The following USP45 variants were observed in gnomAD, a reference collection of about 807,000 sequenced individuals.
USP45 encodes ubiquitin specific peptidase 45.
A neutral mutation model predicts 95.8 loss-of-function variants in USP45; 89 were observed. That is an observed-to-expected ratio of 0.93 (90% confidence interval 0.78 to 1.11). USP45 has a LOEUF of 1.11. USP45 is among the 50% of genes least tolerant of loss of function. The pLI, the probability that USP45 is intolerant of heterozygous loss-of-function variation, is 0.00. For missense variants in USP45, 898 were observed against 942.5 expected (o/e 0.95, Z 0.62); for synonymous variants, 281 against 316.2 (o/e 0.89, Z 1.18).
Position 99,488,290 on chromosome 6 carries a change from C to T in USP45, c.624G>A (p.Leu208=). The change falls in exon 7 of 18, where the codon TTG becomes TTA. Residue 208 remains leucine, a synonymous_variant. Transcript: ENST00000500704. ...TCFFNAVMQN[L]AQTYTLTDLM... The stretch of plus-strand genomic sequence containing the variant: ...GATCAGTAAGAGTATAAGTCTGTGC[C>T]AAGTTCTAAAAGAAAACAAAATTAA... 5.6e-6 allele frequency: 9 copies of T among 1,600,514 alleles called. No individual in the cohort carries two copies. The highest frequency in any genetic ancestry group is 7.7e-6 in the Non-Finnish European group (9 of 1,174,740).
At chr6:99,472,723 CAAG>C (rs1199959415) in intron 9 of USP45, among the ~76,000 whole-genome samples, 1 of 152,150 alleles carries the variant, frequency 6.6e-6, no homozygotes, top group Non-Finnish European at 1.5e-5. Context: ...TACCCCTCAA[CAAG>C]AAGAGCAATA....
In USP45 at chr6:99,511,882, T is replaced by C. The variant is rs1366968156; in HGVS notation, c.-10-1652A>G. ...ATATATATATATATATATATATATA[T>C]ATATACACATAGTTGAACTATTTGA... On this transcript the variant is annotated intron_variant, in intron 1 of 17. Transcript: ENST00000500704. Among the ~76,000 whole-genome samples, 552 of 141,570 alleles carry C rather than the reference T, an allele frequency of 3.9e-3. 3 individuals are homozygous for C. The highest frequency in any genetic ancestry group is 0.011 in the Middle Eastern group (3 of 268). The allele number at this position is 141,570 out of a possible 152,430, so 92.9% of individuals were successfully genotyped here.
chr6:99,452,298 TC>T (rs2128577023), intron 13 of USP45, among the ~76,000 whole-genome samples: 1 of 152,180 alleles, frequency 6.6e-6, no homozygotes, highest in African/African-American at 2.4e-5. Flanking sequence ...AGGGCAAATA[TC>T]CAGAATCTAC....
In USP45 at chr6:99,510,391, C is replaced by A. The variant is rs192800261; in HGVS notation, c.-10-161G>T. 7.3e-4 allele frequency among the ~76,000 whole-genome samples: 111 copies of A among 152,280 alleles called. 1 individual carries two copies. The highest frequency in any genetic ancestry group is 1.1e-3 in the Non-Finnish European group (73 of 68,018). On this transcript the variant is annotated intron_variant, in intron 1 of 17. Coordinates refer to ENST00000500704, the MANE Select transcript of USP45 (RefSeq NM_001346022.3). ...GAACATCACTTGAAATGAAATAAAT[C>A]TTTGTTAAATCAGTATACACATGGT...
intron 5 of USP45, among the ~76,000 whole-genome samples, chr6:99,500,171 C>G (rs1797088396): frequency 6.6e-6 from 1 of 152,190 alleles, no homozygotes; most frequent in African/African-American, 2.4e-5. Context: ...GTCGCCCAGG[C>G]TGGCATGCAG....
At chr6:99,449,626 A>C (rs570482417) in intron 13 of USP45, among the ~76,000 whole-genome samples, 2 of 142,308 alleles carry the variant, frequency 1.4e-5, no homozygotes, top group African/African-American at 2.5e-5. Flanking sequence ...CAGATCAATG[A>C]GACAGAAAGT....
intron 13 of USP45, chr6:99,461,659 T>G (rs1249382503): frequency 1.0e-6 from 1 of 983,834 alleles, no homozygotes; most frequent in African/African-American, 1.7e-5. Flanking sequence ...TATTAAGTTT[T>G]TGTGTGGTTT....
chr6:99,517,219 TACTCAGTA>T (rs1801168653), upstream of USP45, among the ~76,000 whole-genome samples: 1 of 108,288 alleles, frequency 9.2e-6, no homozygotes. Flanking sequence ...TTTTAAATAT[TACTCAGTA>T]AGTATGTTTT....
Position 99,456,988 on chromosome 6 carries a change from T to C in USP45, c.1308+7616A>G, listed in dbSNP as rs183632819. ...GGCCTATGAATGGCCCCCCTGGGCG[T>C]AGCCGTCTCTTATGGTCGAGACTGC... On this transcript the variant is annotated intron_variant, in intron 13 of 17. Coordinates refer to ENST00000500704, the MANE Select transcript of USP45 (RefSeq NM_001346022.3). 2.2e-3 allele frequency among the ~76,000 whole-genome samples: 329 copies of C among 152,332 alleles called. 2 individuals are homozygous for C. Among genetic ancestry groups the C allele is most frequent in the Middle Eastern group, 3.4e-3 (1 of 294 alleles).
Position 99,437,264 on chromosome 6 carries a change from T to TA in USP45, c.2295dup (p.Lys766Ter), listed in dbSNP as rs747364618. On this transcript the variant is annotated frameshift_variant, in exon 17 of 18. Transcript: ENST00000500704. LOFTEE classifies it high-confidence loss of function. ...GGCATACCAGGCACATTTTTCTTTT[T>TA]AGTGTTATGTTCCGATAATTTCCTG... 1 of 1,604,560 alleles carries TA rather than the reference T, an allele frequency of 6.2e-7. No homozygotes were observed. The highest frequency in any genetic ancestry group is 8.5e-7 in the Non-Finnish European group (1 of 1,177,746).
At chr6:99,492,013 A>G (rs977044436) in intron 5 of USP45, among the ~76,000 whole-genome samples, 1 of 152,232 alleles carries the variant, frequency 6.6e-6, no homozygotes, top group Non-Finnish European at 1.5e-5. Context: ...GAAATAAATT[A>G]TATTTTAATC....
chr6:99,503,653 A>G (rs1797882930), intron 5 of USP45, 112 bp downstream of exon 5: 1 of 722,170 alleles, frequency 1.4e-6, no homozygotes, highest in African/African-American at 1.8e-5. Context: ...TCTTTATTCA[A>G]ATTATTGGCT....
intron 16 of USP45, among the ~76,000 whole-genome samples, chr6:99,438,874 A>G (rs1781006153): frequency 6.6e-6 from 1 of 152,096 alleles, no homozygotes; most frequent in Non-Finnish European, 1.5e-5. Context: ...GTACTGTTCT[A>G]TTTGCTTTTG....
At chr6:99,509,308 A>C (rs1799244912) in intron 2 of USP45, among the ~76,000 whole-genome samples, 1 of 152,162 alleles carries the variant, frequency 6.6e-6, no homozygotes, top group Non-Finnish European at 1.5e-5. Context: ...CCCTGATGTT[A>C]ATGTTTTGCA....
chr6:99,491,721 T>C (rs1214152003), intron 5 of USP45, among the ~76,000 whole-genome samples: 1 of 152,132 alleles, frequency 6.6e-6, no homozygotes, highest in Admixed American at 6.6e-5. Flanking sequence ...TTTGGGTATA[T>C]GCAACCCTAA....
intron 13 of USP45, chr6:99,461,015 G>A: frequency 1.0e-6 from 1 of 985,298 alleles, no homozygotes; most frequent in Non-Finnish European, 1.2e-6. Context: ...ACGCTGCGCA[G>A]CTAACAGGTG....
intron 5 of USP45, chr6:99,501,890 G>T (rs1583426113): frequency 1.6e-6 from 2 of 1,255,716 alleles, no homozygotes; most frequent in East Asian, 1.2e-4. Context: ...AGCGACAAGA[G>T]TGTCTGTTAT....
At chr6:99,479,183 C>CAT (rs750040006) in intron 8 of USP45, among the ~76,000 whole-genome samples, 1 of 141,140 alleles carries the variant, frequency 7.1e-6, no homozygotes, top group East Asian at 2.0e-4. Context: ...CACACACACA[C>CAT]ACATACACAA....
rs1195708651 is a variant in USP45 at position 99,510,133 on chromosome 6, C to CTGAAGAGTCTTCATCATGAGGT, written c.66_87dup (p.Asp30ThrfsTer3). On this transcript the variant is annotated stop_gained and frameshift_variant, in exon 2 of 18. Transcript: ENST00000500704. LOFTEE classifies it high-confidence loss of function. ...TATCACAATTTACCAGCAATATCAT[C>CTGAAGAGTCTTCATCATGAGGT]TGAAGAGTCTTCATCATGAGGTACA... 6.2e-7 allele frequency: 1 copy of CTGAAGAGTCTTCATCATGAGGT among 1,611,940 alleles called. No homozygotes were observed. The highest frequency in any genetic ancestry group is 8.5e-7 in the Non-Finnish European group (1 of 1,178,338).
Sources: gnomAD v4.1 joint callset for allele counts (sites outside exome capture counted in the v4.1 genomes callset) on GRCh38, gnomAD v4.1.1 for gene constraint, MANE v1.5 for transcripts, NCBI Gene and HGNC (gene_info 2026-07-23, HGNC 2026-07-21) for gene names.